CCNYL1: variants seen among roughly 807,000 people sequenced by gnomAD.
CCNYL1 encodes cyclin Y like 1, also known as cyclin-Y-like protein 1.
CCNYL1 carries 16 observed loss-of-function variants against 44.2 expected under a neutral mutation model. That is an observed-to-expected ratio of 0.36 (90% CI 0.25 to 0.55). The LOEUF is 0.55. CCNYL1 is among the 20% of genes least tolerant of loss of function. The pLI, the probability that CCNYL1 is intolerant of heterozygous loss-of-function variation, is 0.85. For synonymous variants in CCNYL1, 159 were observed against 163.2 expected (o/e 0.97, Z 0.20); for missense variants, 348 against 451.8 (o/e 0.77, Z 2.08).
At chr2:207,733,377 C>T (rs953792500) in intron 3 of CCNYL1, among the ~76,000 whole-genome samples, 1 of 152,110 alleles carries the variant, frequency 6.6e-6, no homozygotes, top group Admixed American at 6.6e-5. Flanking sequence ...TAAAGTGATA[C>T]TTTTTCTTCT....
intron 9 of CCNYL1, among the ~76,000 whole-genome samples, chr2:207,753,046 A>G (rs1365281773): frequency 1.3e-5 from 2 of 152,056 alleles, no homozygotes; most frequent in African/African-American, 4.8e-5. Flanking sequence ...AAAAGAAAAA[A>G]ATAATAATAT....
intron 1 of CCNYL1, among the ~76,000 whole-genome samples, chr2:207,713,996 A>G (rs76508757): frequency 0.025 from 3,830 of 152,270 alleles, 60 homozygotes; most frequent in Middle Eastern, 0.1. Flanking sequence ...ATGAAAATAC[A>G]TACTTTCATG....
At chr2:207,713,936 G>A (rs1283346637) in intron 1 of CCNYL1, among the ~76,000 whole-genome samples, 1 of 152,166 alleles carries the variant, frequency 6.6e-6, no homozygotes, top group Non-Finnish European at 1.5e-5. Context: ...TTAGTAGATG[G>A]GTGGGTGGTG....
intron 8 of CCNYL1, among the ~76,000 whole-genome samples, chr2:207,749,709 C>G (rs186612825): frequency 3.7e-4 from 56 of 152,262 alleles, no homozygotes; most frequent in Admixed American, 5.9e-4. Context: ...AAAACATTAT[C>G]TGATTTACAT....
At chr2:207,718,274 A>T (rs925546085) in intron 1 of CCNYL1, among the ~76,000 whole-genome samples, 2 of 152,134 alleles carry the variant, frequency 1.3e-5, no homozygotes, top group Non-Finnish European at 2.9e-5. Context: ...TTTGGGAAGC[A>T]GAGGCAGGAG....
intron 3 of CCNYL1, among the ~76,000 whole-genome samples, chr2:207,729,086 C>T (rs181354518): frequency 3.4e-4 from 51 of 152,238 alleles, no homozygotes; most frequent in Non-Finnish European, 5.6e-4. Flanking sequence ...CATGAGCCAC[C>T]GCACCCGGCC....
intron 7 of CCNYL1, among the ~76,000 whole-genome samples, chr2:207,746,615 G>A (rs563759717): frequency 6.6e-6 from 1 of 152,290 alleles, no homozygotes; most frequent in East Asian, 1.9e-4. Context: ...AGTCTCTGTA[G>A]AACATAAGAA....
chr2:207,714,515 CAA>C, intron 1 of CCNYL1: 1 of 304,706 alleles, frequency 3.3e-6, no homozygotes, highest in South Asian at 2.8e-5. Flanking sequence ...GTAGAGGTAA[CAA>C]AATGGCCTAA....
chr2:207,718,987 A>AC (rs2091619237), intron 1 of CCNYL1, among the ~76,000 whole-genome samples: 1 of 152,198 alleles, frequency 6.6e-6, no homozygotes, highest in Non-Finnish European at 1.5e-5. Context: ...AAAAAAAAAA[A>AC]AACTCTCTTT....
chr2:207,745,800 T>G (rs2091850509), intron 7 of CCNYL1, among the ~76,000 whole-genome samples: 1 of 152,080 alleles, frequency 6.6e-6, no homozygotes, highest in African/African-American at 2.4e-5. Flanking sequence ...AATACAAAAA[T>G]TAGCCAGGCG....
intron 5 of CCNYL1, 151 bp from the exon 6 acceptor site, chr2:207,740,504 C>A: frequency 1.5e-6 from 1 of 651,278 alleles, no homozygotes; most frequent in Non-Finnish European, 2.7e-6. Context: ...TGAAGGCTGG[C>A]ATCCCGGAGA....
chr2:207,746,970 C>T (rs1045396895), intron 7 of CCNYL1, 77 bp from the exon 8 acceptor site: 20 of 1,205,810 alleles, frequency 1.7e-5, no homozygotes, highest in Middle Eastern at 2.0e-4. Context: ...AGTGAAACTC[C>T]GTCTCAAAAA....
intron 8 of CCNYL1, among the ~76,000 whole-genome samples, chr2:207,748,456 C>T (rs1046653849): frequency 6.6e-6 from 1 of 152,128 alleles, no homozygotes; most frequent in African/African-American, 2.4e-5. Context: ...GGCCTCGTGT[C>T]GGCCGTGAAG....
chr2:207,712,635 C>T (rs1162031738), intron 1 of CCNYL1, among the ~76,000 whole-genome samples: 1 of 152,048 alleles, frequency 6.6e-6, no homozygotes. Context: ...GATTTCTTAT[C>T]TAGACTCAAA....
At chr2:207,717,897 T>C in intron 1 of CCNYL1, among the ~76,000 whole-genome samples, 1 of 108,992 alleles carries the variant, frequency 9.2e-6, no homozygotes, top group Non-Finnish European at 1.8e-5. Context: ...CTGGGAAATA[T>C]TTTTAATTCT....
At position 207,712,051 on chromosome 2, in the gene CCNYL1, A is replaced by G; in HGVS notation, c.155A>G (p.Glu52Gly). 1 of 1,553,932 alleles carries G rather than the reference A, an allele frequency of 6.4e-7. No homozygotes were observed. The highest frequency in any genetic ancestry group is 1.4e-5 in the African/African-American group (1 of 71,426). ...AVAPAVVEPA[E>G]LDFGEGEGHH... ...GCGCCCGCTGTGGTGGAGCCTGCCG[A>G]GTTGGATTTCGGAGAGGGCGAGGGC... Residue 52 changes from glutamate (E) to glycine (G), a missense_variant, in exon 1 of 10, where the codon GAG becomes GGG. Around this residue, in one of 3 missense-constraint regions of CCNYL1, gnomAD observed 209 missense variants for 247.7 expected, o/e 0.84. Transcript: ENST00000295414.
rs1445702080 is a variant in CCNYL1, at chr2:207,712,597, C to A, written c.220+481C>A. On this transcript the variant is annotated intron_variant, in intron 1 of 9. Coordinates refer to ENST00000295414, the MANE Select transcript of CCNYL1 (RefSeq NM_001330218.2). The stretch of plus-strand genomic sequence containing the variant: ...CCCATCCGTGAAGATAGCTGATGCC[C>A]GCGACAGTTTAGACCCAGATGTTTG... Among the ~76,000 whole-genome samples the A allele has an allele frequency of 1.1e-4, 17 of 151,978 alleles. No homozygotes were observed. In the Admixed American group the frequency reaches 1.1e-3, roughly 10 times the overall value.
At chr2:207,719,957 A>T (rs557119256) in intron 1 of CCNYL1, among the ~76,000 whole-genome samples, 2 of 152,180 alleles carry the variant, frequency 1.3e-5, no homozygotes, top group East Asian at 3.9e-4. Flanking sequence ...TGGGAGGCTG[A>T]GGTGGGTGGA....
chr2:207,737,279 A>G, intron 4 of CCNYL1, 132 bp from the exon 5 acceptor site: 1 of 694,688 alleles, frequency 1.4e-6, no homozygotes, highest in Non-Finnish European at 2.6e-6. Flanking sequence ...AAGTACCCAT[A>G]TGGTACTGTT....
Sources: allele counts gnomAD v4.1 joint callset (sites outside exome capture counted in the v4.1 genomes callset), GRCh38; gene constraint gnomAD v4.1.1; regional missense constraint gnomAD v4.1.1; transcripts MANE v1.5; gene names NCBI Gene and HGNC (gene_info 2026-07-23, HGNC 2026-07-21).